Variants in GTF3C2 observed in about 807,000 individuals in gnomAD.
The protein encoded by GTF3C2 is general transcription factor IIIC subunit 2.
GTF3C2 carries 17 observed loss-of-function variants against 117.4 expected under a neutral mutation model. The ratio of observed to expected loss-of-function variants is 0.14; its 90% confidence interval spans 0.10 to 0.22. GTF3C2 has a LOEUF of 0.22. GTF3C2 is among the 10% of genes least tolerant of loss of function. The pLI is 1.00. For synonymous variants in GTF3C2, 437 were observed against 427.0 expected (o/e 1.02, Z -0.29); for missense variants, 888 against 1,143.6 (o/e 0.78, Z 3.22).
At chr2:27,343,261 T>C (rs771332970) in intron 2 of GTF3C2, 47 bp downstream of exon 2, 13 of 1,591,494 alleles carry the variant, frequency 8.2e-6, no homozygotes, top group African/African-American at 1.3e-5. Context: ...CTCTTTCATC[T>C]TAAGCTTGGC....
At chr2:27,337,630 G>T in intron 5 of GTF3C2, 72 bp from the exon 6 acceptor site, 1 of 1,042,202 alleles carries the variant, frequency 9.6e-7, no homozygotes. Flanking sequence ...AACTTTCTGT[G>T]GGGATGGAAA....
chr2:27,343,290 A>G lies in GTF3C2; in HGVS notation c.247+18T>C. ...GCTTGGCATGGGGAATAAAAAGATA[A>G]GAGGACAAGGTACATACCTGGCTGT... is the stretch of plus-strand genomic sequence containing the variant. On this transcript the variant is annotated intron_variant, in intron 2 of 18. Transcript: ENST00000264720. 1 of 1,606,646 alleles carries G rather than the reference A, an allele frequency of 6.2e-7. No individual in the cohort carries two copies. Among genetic ancestry groups the G allele is most frequent in the South Asian group, 1.1e-5 (1 of 90,506 alleles).
intron 15 of GTF3C2, 60 bp downstream of exon 15, chr2:27,328,784 T>C (rs1375644219): frequency 6.5e-6 from 8 of 1,231,460 alleles, no homozygotes; most frequent in Non-Finnish European, 8.4e-6. Flanking sequence ...TGACTACTAA[T>C]AGTGCATAAA....
chr2:27,337,207 C>T, intron 7 of GTF3C2, 37 bp downstream of exon 7: 1 of 1,247,814 alleles, frequency 8.0e-7, no homozygotes, highest in Non-Finnish European at 1.2e-6. Context: ...TTTCTGGCTC[C>T]TAGAATCAGA....
At chr2:27,334,744 G>A (rs1329229884) in intron 10 of GTF3C2, among the ~76,000 whole-genome samples, 1 of 151,788 alleles carries the variant, frequency 6.6e-6, no homozygotes, top group East Asian at 1.9e-4. Context: ...CTGGGCATAA[G>A]TGATCCTCCC....
chr2:27,356,194 G>A (rs1197341443), intron 1 of GTF3C2: 8 of 848,612 alleles, frequency 9.4e-6, no homozygotes, highest in South Asian at 1.4e-5. Context: ...GGACTAGACA[G>A]GGAAACACAA....
intron 4 of GTF3C2, among the ~76,000 whole-genome samples, chr2:27,338,614 C>A (rs1455421904): frequency 1.3e-5 from 2 of 152,098 alleles, no homozygotes; most frequent in African/African-American, 4.8e-5. Flanking sequence ...CACTGCAGCC[C>A]CAGCTTCTGC....
chr2:27,337,908 CCT>C lies in GTF3C2; in HGVS notation c.950+16_950+17del, dbSNP rs755505374. 21 of 1,462,680 alleles carry C rather than the reference CCT, an allele frequency of 1.4e-5. No individual in the cohort carries two copies. Among genetic ancestry groups the C allele is most frequent in the African/African-American group, 4.2e-5 (3 of 72,156 alleles). The allele number at this position is 1,462,680 out of a possible 1,614,324, so 90.6% of individuals were successfully genotyped here. On this transcript the variant is annotated intron_variant, in intron 5 of 18. Transcript: ENST00000264720. The stretch of plus-strand genomic sequence containing the variant: ...ACCACCCCTTTATTAACCCCAGCCC[CCT>C]GTCCCCAAGTCTCACAAGTCCTTGG...
intron 1 of GTF3C2, among the ~76,000 whole-genome samples, chr2:27,355,140 C>T (rs1364580620): frequency 1.3e-5 from 2 of 152,200 alleles, no homozygotes; most frequent in Non-Finnish European, 2.9e-5. Context: ...TTCTTCCCCA[C>T]TCTATTTATT....
chr2:27,326,490 C>A, exon 19 of GTF3C2: 1 of 608,890 alleles, frequency 1.6e-6, no homozygotes, highest in Non-Finnish European at 3.0e-6. Context: ...CCCCTGCCCG[C>A]AGGGGGCTGT....
At chr2:27,338,689 A>G (rs1680598768) in intron 4 of GTF3C2, among the ~76,000 whole-genome samples, 1 of 151,376 alleles carries the variant, frequency 6.6e-6, no homozygotes, top group African/African-American at 2.4e-5. Context: ...GGCACACCCC[A>G]CTACACCTGG....
chr2:27,356,003 T>C, intron 1 of GTF3C2: 1 of 798,828 alleles, frequency 1.3e-6, no homozygotes, highest in South Asian at 1.4e-5. Flanking sequence ...AATAGTACAA[T>C]TGATAAGAGA....
intron 16 of GTF3C2, 125 bp downstream of exon 16, chr2:27,328,343 C>T (rs1331157984): frequency 5.4e-6 from 6 of 1,105,316 alleles, no homozygotes; most frequent in Non-Finnish European, 8.2e-6. Flanking sequence ...TTATATACAA[C>T]TCTGTGCTAA....
At chr2:27,355,181 C>T (rs1681286841) in intron 1 of GTF3C2, among the ~76,000 whole-genome samples, 1 of 152,322 alleles carries the variant, frequency 6.6e-6, no homozygotes, top group Non-Finnish European at 1.5e-5. Flanking sequence ...TCAGCAACTT[C>T]TTTCTATATA....
At chr2:27,338,249 C>T in intron 4 of GTF3C2, 1 of 515,694 alleles carries the variant, frequency 1.9e-6, no homozygotes. Context: ...TTCTGTTCAG[C>T]TTCCTCAACA....
chr2:27,343,609 G>A (rs1558620902), intron 1 of GTF3C2, 31 bp from the exon 2 acceptor site: 1 of 1,577,624 alleles, frequency 6.3e-7, no homozygotes, highest in Admixed American at 1.7e-5. Flanking sequence ...ATGAGTAGAG[G>A]ACAAAAACTA....
chr2:27,347,812 G>A (rs990755986), intron 1 of GTF3C2, among the ~76,000 whole-genome samples: 7 of 152,270 alleles, frequency 4.6e-5, no homozygotes, highest in Admixed American at 3.9e-4. Flanking sequence ...GCTCCACCCT[G>A]ACCAGTCAGA....
intron 7 of GTF3C2, 144 bp from the exon 8 acceptor site, chr2:27,336,569 C>G (rs1438804388): frequency 8.3e-6 from 5 of 602,154 alleles, no homozygotes; most frequent in Non-Finnish European, 1.5e-5. Context: ...GAACAGAGTC[C>G]TTGGCTTCCA....
Position 27,348,990 on chromosome 2 carries a change from C to G in GTF3C2, c.-24-5412G>C, listed in dbSNP as rs1016461107. On this transcript the variant is annotated intron_variant, in intron 1 of 18. Coordinates refer to ENST00000264720, the Ensembl canonical transcript of GTF3C2. The stretch of plus-strand genomic sequence containing the variant: ...TAGCTAGGATTACAGGCGGCCGCCA[C>G]CACACCCAGCTAATTTTTGTATTTT... Among the ~76,000 whole-genome samples the G allele has an allele frequency of 3.3e-5, 5 of 151,460 alleles. 1 individual carries two copies. The South Asian group carries it at 1.0e-3, about 32-fold the overall frequency.
Sources: gnomAD v4.1 joint callset for allele counts (sites outside exome capture counted in the v4.1 genomes callset) on GRCh38, gnomAD v4.1.1 for gene constraint, MANE v1.5 for transcripts, NCBI Gene and HGNC (gene_info 2026-07-23, HGNC 2026-07-21) for gene names.